Variants in TEX26 observed in about 807,000 individuals in gnomAD.
TEX26 encodes the protein testis expressed 26, also known as testis-expressed protein 26.
Under a neutral mutation model 35.3 loss-of-function variants are expected in TEX26, and 34 were observed. The observed-to-expected ratio is 0.96, with a 90% CI of 0.73 to 1.28. TEX26 has a LOEUF of 1.28. Among genes scored for constraint, TEX26 ranks in the 50% most tolerant of loss-of-function variants. The pLI is 0.00. For synonymous variants in TEX26, 136 were observed against 111.8 expected (o/e 1.22, Z -1.36); for missense variants, 371 against 330.1 (o/e 1.12, Z -0.96).
intron 2 of TEX26, among the ~76,000 whole-genome samples, chr13:30,944,897 A>G (rs1342313414): frequency 6.6e-6 from 1 of 152,008 alleles, no homozygotes; most frequent in African/African-American, 2.4e-5. Context: ...CCATGTGCTG[A>G]TGAGAAAAAT....
At chr13:30,945,764 C>T (rs1953684964) in intron 2 of TEX26, among the ~76,000 whole-genome samples, 2 of 151,924 alleles carry the variant, frequency 1.3e-5, no homozygotes, top group African/African-American at 4.8e-5. Context: ...AAAGATAGGA[C>T]CCCAATCCCT....
At chr13:30,935,284 C>T (rs1401467861) in intron 1 of TEX26, among the ~76,000 whole-genome samples, 1 of 152,184 alleles carries the variant, frequency 6.6e-6, no homozygotes, top group South Asian at 2.1e-4. Context: ...GGCTGGGGTC[C>T]CCAGTAAGGC....
chr13:30,966,393 G>A lies in TEX26; in HGVS notation c.641G>A (p.Gly214Asp). 1 of 1,610,262 alleles carries A rather than the reference G, an allele frequency of 6.2e-7. No individual in the cohort carries two copies. The highest frequency in any genetic ancestry group is 8.5e-7 in the Non-Finnish European group (1 of 1,178,132). The change falls in exon 5 of 7, where the codon GGT becomes GAT. Residue 214 changes from glycine (G) to aspartate (D), a missense_variant. By Grantham distance (94) the Gly-to-Asp change is moderately conservative. Transcript: ENST00000380473. ...TCAAGCTTGCCTGTTGCTTCTCAGGGTCTAGGTGAGTACAGCTGCAGTTTC... is the reference window on the plus strand; with the variant it reads ...TCAAGCTTGCCTGTTGCTTCTCAGGATCTAGGTGAGTACAGCTGCAGTTTC... ...CYSSLPVASQ[G>D]LVPSVLHSYL...
At chr13:30,938,695 T>C (rs543452360) in intron 1 of TEX26, among the ~76,000 whole-genome samples, 2 of 152,300 alleles carry the variant, frequency 1.3e-5, no homozygotes, top group South Asian at 2.1e-4. Flanking sequence ...CTACCAGTGG[T>C]GAATTCTCAG....
At chr13:30,954,895 C>G (rs76248277) in intron 3 of TEX26, among the ~76,000 whole-genome samples, 4,059 of 152,304 alleles carry the variant, frequency 0.027, 185 homozygotes, top group African/African-American at 0.093. Flanking sequence ...ATTGAAGGCT[C>G]TCAACCAATG....
At chr13:30,970,833 C>T (rs1041623781) in intron 6 of TEX26, among the ~76,000 whole-genome samples, 2 of 152,244 alleles carry the variant, frequency 1.3e-5, no homozygotes, top group Non-Finnish European at 1.5e-5. Context: ...GATCTACATT[C>T]TCCAAGATAC....
intron 2 of TEX26, among the ~76,000 whole-genome samples, chr13:30,952,292 G>C (rs1324716644): frequency 6.6e-6 from 1 of 151,578 alleles, no homozygotes; most frequent in African/African-American, 2.4e-5. Flanking sequence ...TTCAATTCTT[G>C]TATTTCTTCC....
At chr13:30,974,263 C>A (rs1954813566) in intron 6 of TEX26, among the ~76,000 whole-genome samples, 3 of 150,922 alleles carry the variant, frequency 2.0e-5, no homozygotes, top group African/African-American at 7.3e-5. Context: ...TTCCCAAGGT[C>A]AAACAGTTAC....
At chr13:30,953,534 T>C (rs1013758507) in intron 3 of TEX26, among the ~76,000 whole-genome samples, 28 of 152,380 alleles carry the variant, frequency 1.8e-4, no homozygotes, top group African/African-American at 6.5e-4. Flanking sequence ...CTTTTGGCTA[T>C]TGTGAATTGT....
rs757377897 is a variant in TEX26, at chr13:30,956,893, A to G, written c.333A>G (p.Leu111=). ...GATAGGACATTTTCCTGTGGACACT[A>G]CCTCACTGTCAACAAACGGGGACAC... ...HLNEDIFLWT[L]PHCQQTGTLK... The change falls in exon 4 of 7, where the codon CTA becomes CTG. Residue 111 remains leucine, a synonymous_variant. Transcript: ENST00000380473. 26 of 1,613,970 alleles carry G rather than the reference A, an allele frequency of 1.6e-5. No homozygotes were observed. In the South Asian group the frequency reaches 2.3e-4, roughly 14 times the overall value.
chr13:30,961,498 T>G lies in TEX26; in HGVS notation c.469+4469T>G, dbSNP rs188160724. 5.9e-3 allele frequency among the ~76,000 whole-genome samples: 891 copies of G among 152,130 alleles called. 6 individuals are homozygous for G. The highest frequency in any genetic ancestry group is 0.01 in the Middle Eastern group (3 of 294). ...TCATCTAGGCTTCAGCTTCCTCTACTTTGCTCAATCAGTTGCTACATCTAC... is the reference window on the plus strand; with the variant it reads ...TCATCTAGGCTTCAGCTTCCTCTACGTTGCTCAATCAGTTGCTACATCTAC... On this transcript the variant is annotated intron_variant, in intron 4 of 6. Coordinates refer to ENST00000380473, the MANE Select transcript of TEX26 (RefSeq NM_152325.3).
chr13:30,961,801 C>T lies in TEX26; in HGVS notation c.470-4421C>T, dbSNP rs572639813. 2.0e-5 allele frequency among the ~76,000 whole-genome samples: 3 copies of T among 152,346 alleles called. No homozygotes were observed. In the South Asian group the frequency reaches 6.2e-4, roughly 32 times the overall value. ...CATTTAACTGTGGATTCTGCTCTCT[C>T]TCTCAGACCACTGTTCTTGCATTTC... is the stretch of plus-strand genomic sequence containing the variant. On this transcript the variant is annotated intron_variant, in intron 4 of 6. Coordinates refer to ENST00000380473, the MANE Select transcript of TEX26 (RefSeq NM_152325.3).
intron 3 of TEX26, among the ~76,000 whole-genome samples, chr13:30,953,446 G>C (rs532474681): frequency 1.7e-4 from 26 of 152,296 alleles, no homozygotes; most frequent in African/African-American, 6.3e-4. Context: ...TGTCACAGTT[G>C]AATAATATTC....
At chr13:30,958,863 T>C (rs145036692) in intron 4 of TEX26, among the ~76,000 whole-genome samples, 45 of 152,354 alleles carry the variant, frequency 3.0e-4, no homozygotes, top group Admixed American at 2.0e-3. Flanking sequence ...TAGCTACTGT[T>C]CATTTCTCTG....
intron 4 of TEX26, among the ~76,000 whole-genome samples, chr13:30,964,946 A>C (rs1954475912): frequency 6.6e-6 from 1 of 152,204 alleles, no homozygotes; most frequent in Non-Finnish European, 1.5e-5. Flanking sequence ...ACACTGTTGC[A>C]TTAGGGATTA....
At chr13:30,959,365 T>A (rs1954253935) in intron 4 of TEX26, among the ~76,000 whole-genome samples, 1 of 152,214 alleles carries the variant, frequency 6.6e-6, no homozygotes, top group Non-Finnish European at 1.5e-5. Flanking sequence ...CTGCTCCTCT[T>A]CATTCATGAA....
At chr13:30,962,000 T>C (rs898208842) in intron 4 of TEX26, among the ~76,000 whole-genome samples, 4 of 152,170 alleles carry the variant, frequency 2.6e-5, no homozygotes, top group Non-Finnish European at 5.9e-5. Flanking sequence ...CAGTTTCCTA[T>C]ATTGGGTGCT....
chr13:30,958,325 C>G (rs539217040), intron 4 of TEX26, among the ~76,000 whole-genome samples: 23 of 152,340 alleles, frequency 1.5e-4, no homozygotes, highest in African/African-American at 4.8e-4. Context: ...ATTGAGAATT[C>G]ATGAAAATTG....
chr13:30,945,727 T>A (rs1000212502), intron 2 of TEX26, among the ~76,000 whole-genome samples: 2 of 151,944 alleles, frequency 1.3e-5, no homozygotes, highest in African/African-American at 4.8e-5. Context: ...AAATTCTAGG[T>A]TGAGAGTTAT....
Sources: gnomAD v4.1 joint callset for allele counts (sites outside exome capture counted in the v4.1 genomes callset) on GRCh38, gnomAD v4.1.1 for gene constraint, MANE v1.5 for transcripts, NCBI Gene and HGNC (gene_info 2026-07-23, HGNC 2026-07-21) for gene names.